The following AKT3 variants were observed in gnomAD, a reference collection of about 807,000 sequenced individuals.
AKT3 encodes the protein AKT serine/threonine kinase 3.
In AKT3, 15 loss-of-function variants were observed where a neutral mutation model predicts 65.3. That is an observed-to-expected ratio of 0.23 (90% CI 0.15 to 0.35). The LOEUF (loss-of-function observed/expected upper bound fraction) is 0.35, where lower values mean the gene tolerates loss of function less well. AKT3 is among the 10% of genes least tolerant of loss of function. The probability of loss-of-function intolerance (pLI) is 1.00; values close to 1 mark genes in which losing one functional copy is unlikely to be tolerated. For missense variants in AKT3, 243 were observed against 576.5 expected (o/e 0.42, Z 5.92); for synonymous variants, 206 against 183.8 (o/e 1.12, Z -0.98).
At chr1:243,668,417 G>C (rs1197207699) in intron 3 of AKT3, among the ~76,000 whole-genome samples, 1 of 152,176 alleles carries the variant, frequency 6.6e-6, no homozygotes, top group Non-Finnish European at 1.5e-5. Flanking sequence ...AAAGCTGGTA[G>C]AAATTATTTT....
At chr1:243,810,232 C>T (rs1009599816) in intron 2 of AKT3, among the ~76,000 whole-genome samples, 18 of 152,094 alleles carry the variant, frequency 1.2e-4, no homozygotes, top group African/African-American at 3.6e-4. Context: ...TCAGTGAATC[C>T]AGGAGATGGT....
At chr1:243,533,415 T>C (rs1189590088) in intron 12 of AKT3, among the ~76,000 whole-genome samples, 1 of 152,206 alleles carries the variant, frequency 6.6e-6, no homozygotes, top group Non-Finnish European at 1.5e-5. Context: ...ATTCTATCAC[T>C]GACATTTATA....
At chr1:243,492,510 G>T (rs1037265440) in intron 13 of AKT3, among the ~76,000 whole-genome samples, 2 of 150,844 alleles carry the variant, frequency 1.3e-5, no homozygotes, top group Non-Finnish European at 2.9e-5. Flanking sequence ...CGCCATGTTG[G>T]CCAGGCTGGT....
intron 8 of AKT3, among the ~76,000 whole-genome samples, chr1:243,608,433 T>C (rs1677596841): frequency 6.6e-6 from 1 of 152,122 alleles, no homozygotes; most frequent in Non-Finnish European, 1.5e-5. Flanking sequence ...GAGTAAAAAT[T>C]GGGCTAGTTA....
Position 243,686,000 on chromosome 1 carries a change from T to A in AKT3, c.172+9591A>T, listed in dbSNP as rs561858977. 2.0e-4 allele frequency among the ~76,000 whole-genome samples: 31 copies of A among 152,274 alleles called. No individual in the cohort carries two copies. In the Middle Eastern group the frequency reaches 0.01, roughly 50 times the overall value. ...AGCCAAATCATGAGTGAACTCCTATTCACAATTGCTACAAAGAGAACAAAA... is the reference window on the plus strand; with the variant it reads ...AGCCAAATCATGAGTGAACTCCTATACACAATTGCTACAAAGAGAACAAAA... On this transcript the variant is annotated intron_variant, in intron 3 of 13. Coordinates refer to ENST00000673466, the MANE Select transcript of AKT3 (RefSeq NM_005465.7).
At chr1:243,815,664 CTT>C (rs1237220364) in intron 2 of AKT3, among the ~76,000 whole-genome samples, 1 of 146,644 alleles carries the variant, frequency 6.8e-6, no homozygotes, top group Non-Finnish European at 1.5e-5. Context: ...TTAGCACAAT[CTT>C]AGCTCACTGC....
intron 9 of AKT3, among the ~76,000 whole-genome samples, chr1:243,571,478 G>A (rs1308802949): frequency 6.6e-6 from 1 of 152,104 alleles, no homozygotes; most frequent in East Asian, 1.9e-4. Context: ...TAAGCTTTCT[G>A]GATGTTACCT....
intron 13 of AKT3, chr1:243,489,275 C>T: frequency 4.1e-6 from 5 of 1,218,618 alleles, no homozygotes; most frequent in Non-Finnish European, 5.7e-6. Flanking sequence ...GTCCCGAAGA[C>T]TGTGCTGGGC....
intron 2 of AKT3, among the ~76,000 whole-genome samples, chr1:243,769,878 A>G (rs926791348): frequency 6.6e-6 from 1 of 152,206 alleles, no homozygotes; most frequent in African/African-American, 2.4e-5. Context: ...CAAATGTAAT[A>G]AACCATTGCC....
intron 2 of AKT3, among the ~76,000 whole-genome samples, chr1:243,753,828 G>T (rs181489292): frequency 6.6e-6 from 1 of 152,246 alleles, no homozygotes; most frequent in East Asian, 1.9e-4. Context: ...CAAACCTCCA[G>T]AACTAAATTG....
chr1:243,682,637 C>T (rs531111409), intron 3 of AKT3, among the ~76,000 whole-genome samples: 1 of 152,230 alleles, frequency 6.6e-6, no homozygotes, highest in Non-Finnish European at 1.5e-5. Flanking sequence ...TCTTTTTCCT[C>T]ATTTGATATT....
At chr1:243,704,840 T>C (rs1204924985) in intron 2 of AKT3, among the ~76,000 whole-genome samples, 1 of 152,202 alleles carries the variant, frequency 6.6e-6, no homozygotes. Flanking sequence ...GATTTCTGCA[T>C]AATATTGATT....
intron 8 of AKT3, among the ~76,000 whole-genome samples, chr1:243,609,575 T>C (rs951325608): frequency 3.3e-5 from 5 of 152,130 alleles, no homozygotes; most frequent in African/African-American, 1.2e-4. Flanking sequence ...TGAGGACTGC[T>C]TGAGCCCAGG....
chr1:243,548,059 A>G (rs1286171608), intron 11 of AKT3: 1 of 152,200 alleles, frequency 6.6e-6, no homozygotes, highest in Admixed American at 6.5e-5. Context: ...ACTCCTTTGA[A>G]GGCAAGATCA....
chr1:243,797,267 AG>A (rs1692081265), intron 2 of AKT3, among the ~76,000 whole-genome samples: 1 of 152,228 alleles, frequency 6.6e-6, no homozygotes, highest in Non-Finnish European at 1.5e-5. Context: ...TTCCCCTGCC[AG>A]GTAATTATCT....
At chr1:243,618,067 A>G (rs966754693) in intron 6 of AKT3, among the ~76,000 whole-genome samples, 5 of 152,156 alleles carry the variant, frequency 3.3e-5, no homozygotes, top group Non-Finnish European at 7.4e-5. Context: ...AGTGCTTTGA[A>G]TATTTTCAGT....
At position 243,572,999 on chromosome 1, in the gene AKT3, C is replaced by T. The variant is rs568298910; in HGVS notation, c.746G>A (p.Arg249His). The change falls in exon 9 of 14, where the codon CGT becomes CAT. Residue 249 changes from arginine (R) to histidine (H), a missense_variant. Arg to His is a conservative substitution (Grantham distance 29, BLOSUM62 0). Transcript: ENST00000673466. ...RERVFSEDRT[R>H]FYGAEIVSAL... ...AGAGACAATTTCTGCACCATAGAAACGTGTGCGGTCCTCAGAGAACACCCG... is the reference window on the plus strand; with the variant it reads ...AGAGACAATTTCTGCACCATAGAAATGTGTGCGGTCCTCAGAGAACACCCG... The T allele has an allele frequency of 6.2e-6, 10 of 1,612,704 alleles. No individual in the cohort carries two copies. The highest frequency in any genetic ancestry group is 3.3e-5 in the South Asian group (3 of 91,030).
chr1:243,595,765 C>T (rs982736815), intron 8 of AKT3, among the ~76,000 whole-genome samples: 3 of 152,168 alleles, frequency 2.0e-5, no homozygotes, highest in Non-Finnish European at 4.4e-5. Flanking sequence ...TCATCTCCTA[C>T]GCTAACAATG....
At chr1:243,488,957 G>T (rs1457470621) in intron 13 of AKT3, 1 of 1,612,112 alleles carries the variant, frequency 6.2e-7, no homozygotes, top group African/African-American at 1.3e-5. Flanking sequence ...ACAGCCCCTG[G>T]GCCTGTTGAA....
Sources: allele counts gnomAD v4.1 joint callset (sites outside exome capture counted in the v4.1 genomes callset), GRCh38; gene constraint gnomAD v4.1.1; transcripts MANE v1.5; gene names NCBI Gene and HGNC (gene_info 2026-07-23, HGNC 2026-07-21).